Variants in ADGRD1 observed in about 807,000 individuals in gnomAD.
ADGRD1 encodes the protein G-protein coupled receptor 133.
ADGRD1 carries 77 observed loss-of-function variants against 113.4 expected under a neutral mutation model. The observed-to-expected ratio is 0.68, with a 90% CI of 0.57 to 0.82. The LOEUF (loss-of-function observed/expected upper bound fraction) is 0.82, where lower values mean the gene tolerates loss of function less well. Ranked by LOEUF, ADGRD1 falls within the 40% of genes least tolerant of loss-of-function variation. The pLI, the probability that ADGRD1 is intolerant of heterozygous loss-of-function variation, is 0.00. For missense variants in ADGRD1, 1,036 were observed against 1,139.1 expected (o/e 0.91, Z 1.30); for synonymous variants, 474 against 475.0 (o/e 1.00, Z 0.03).
chr12:131,139,397 G>A lies in ADGRD1; in HGVS notation c.*134G>A. Reference sequence around the variant, plus strand: ...TGGGTGTTGTGGCCCCGAGACAGCTGTCCTCCCCTGTGACTCTGGCTGTCG... The same window carrying A: ...TGGGTGTTGTGGCCCCGAGACAGCTATCCTCCCCTGTGACTCTGGCTGTCG... On this transcript the variant is annotated 3_prime_UTR_variant, in exon 25 of 25. Coordinates refer to ENST00000261654, the MANE Select transcript of ADGRD1 (RefSeq NM_198827.5). The A allele has an allele frequency of 7.7e-6, 5 of 652,346 alleles. No individual in the cohort carries two copies. The highest frequency in any genetic ancestry group is 1.4e-5 in the Non-Finnish European group (5 of 367,538). The allele number at this position is 652,346 out of a possible 1,614,324, so 40.4% of individuals were successfully genotyped here.
intron 15 of ADGRD1, among the ~76,000 whole-genome samples, chr12:131,089,991 G>A (rs1886796728): frequency 6.6e-6 from 1 of 152,184 alleles, no homozygotes; most frequent in Non-Finnish European, 1.5e-5. Context: ...TACACTTTCA[G>A]CTGAAAACTG....
intron 8 of ADGRD1, among the ~76,000 whole-genome samples, chr12:130,997,199 C>CCG (rs71095326): frequency 2.9e-5 from 4 of 140,172 alleles, no homozygotes; most frequent in African/African-American, 8.0e-5. Flanking sequence ...CCCCCCCCCC[C>CCG]GGACGGGGCA....
At chr12:131,128,425 A>C (rs2136082570) in intron 20 of ADGRD1, among the ~76,000 whole-genome samples, 1 of 152,244 alleles carries the variant, frequency 6.6e-6, no homozygotes, top group Non-Finnish European at 1.5e-5. Flanking sequence ...GGAACACTGC[A>C]TGGCTGAGTT....
At chr12:131,085,125 T>C (rs1851324205) in intron 15 of ADGRD1, among the ~76,000 whole-genome samples, 1 of 152,206 alleles carries the variant, frequency 6.6e-6, no homozygotes, top group Non-Finnish European at 1.5e-5. Flanking sequence ...TTAGTCACTT[T>C]GAATCAGTGG....
intron 15 of ADGRD1, among the ~76,000 whole-genome samples, chr12:131,093,431 A>G (rs1283713833): frequency 6.6e-6 from 1 of 152,158 alleles, no homozygotes; most frequent in East Asian, 1.9e-4. Flanking sequence ...GCCCAGACCC[A>G]TGGTTCTAGG....
intron 3 of ADGRD1, chr12:130,968,129 C>G (rs895456875): frequency 6.6e-6 from 1 of 152,218 alleles, no homozygotes; most frequent in Non-Finnish European, 1.5e-5. Context: ...GTCTTTCTCT[C>G]TTCACCCCTA....
intron 15 of ADGRD1, among the ~76,000 whole-genome samples, chr12:131,090,731 G>A (rs527545738): frequency 5.9e-5 from 9 of 152,334 alleles, no homozygotes; most frequent in African/African-American, 1.9e-4. Context: ...GATGGACACT[G>A]CGATGGCTTC....
In ADGRD1 at chr12:131,034,695, G is replaced by A. The variant is rs146601967; in HGVS notation, c.1473+20355G>A. Among the ~76,000 whole-genome samples the A allele has an allele frequency of 1.7e-3, 259 of 152,304 alleles. 1 individual carries two copies. The highest frequency in any genetic ancestry group is 6.0e-3 in the African/African-American group (249 of 41,558). ...ATAAACATGTTTGTTGAATGACTGAGGCTAGGACACGGTGGTGGCCCCTCG... is the reference window on the plus strand; with the variant it reads ...ATAAACATGTTTGTTGAATGACTGAAGCTAGGACACGGTGGTGGCCCCTCG... On this transcript the variant is annotated intron_variant, in intron 13 of 24. Coordinates refer to ENST00000261654, the MANE Select transcript of ADGRD1 (RefSeq NM_198827.5).
intron 22 of ADGRD1, among the ~76,000 whole-genome samples, 171 bp downstream of exon 22, chr12:131,136,334 GCAGGATCCTGACC>G (rs539690112): frequency 9.0e-4 from 137 of 152,354 alleles, no homozygotes; most frequent in African/African-American, 3.2e-3. Flanking sequence ...AGTGGGGCCT[GCAGGATCCTGACC>G]CCTTCAGGGC....
intron 20 of ADGRD1, among the ~76,000 whole-genome samples, chr12:131,129,492 CTG>C (rs1437294004): frequency 2.8e-5 from 4 of 144,034 alleles, no homozygotes; most frequent in African/African-American, 1.1e-4. Flanking sequence ...CCCCGCCCTG[CTG>C]TCTGGGTGTG....
At chr12:131,066,259 G>T (rs1474997008) in intron 13 of ADGRD1, among the ~76,000 whole-genome samples, 2 of 152,212 alleles carry the variant, frequency 1.3e-5, no homozygotes, top group African/African-American at 4.8e-5. Context: ...CACGGGGAGG[G>T]CGGAGGATGT....
chr12:131,011,146 C>T (rs1461213186), intron 12 of ADGRD1, among the ~76,000 whole-genome samples: 1 of 131,932 alleles, frequency 7.6e-6, no homozygotes, highest in Non-Finnish European at 1.6e-5. Flanking sequence ...CCTGCCCCAC[C>T]TCACCCCTTC....
intron 11 of ADGRD1, among the ~76,000 whole-genome samples, chr12:131,004,650 C>T (rs1219691866): frequency 1.3e-5 from 2 of 152,188 alleles, no homozygotes; most frequent in Non-Finnish European, 2.9e-5. Flanking sequence ...CCTACATCCT[C>T]CTAAATCGGC....
intron 8 of ADGRD1, 130 bp from the exon 9 acceptor site, chr12:131,000,252 TG>T (rs1276945819): frequency 6.0e-5 from 42 of 700,140 alleles, no homozygotes; most frequent in Non-Finnish European, 7.9e-6. Flanking sequence ...CAGCTATTTT[TG>T]TTGACTGCCG....
At chr12:131,078,889 G>A (rs1885852282) in intron 14 of ADGRD1, among the ~76,000 whole-genome samples, 1 of 152,042 alleles carries the variant, frequency 6.6e-6, no homozygotes, top group Non-Finnish European at 1.5e-5. Context: ...ATCCACACTT[G>A]TAGATGATTG....
intron 12 of ADGRD1, among the ~76,000 whole-genome samples, chr12:131,009,127 C>T (rs1403084117): frequency 6.6e-6 from 1 of 152,222 alleles, no homozygotes; most frequent in African/African-American, 2.4e-5. Context: ...CGCACGCCTG[C>T]AGCCAGGTGG....
At chr12:130,963,938 A>G (rs974491121) in intron 2 of ADGRD1, among the ~76,000 whole-genome samples, 1 of 152,216 alleles carries the variant, frequency 6.6e-6, no homozygotes, top group Non-Finnish European at 1.5e-5. Flanking sequence ...CCAGCTTAGT[A>G]TAGCTAACTT....
rs549548090 is a variant in ADGRD1 at position 130,981,951 on chromosome 12, G to A, written c.378G>A (p.Gly126=). The change falls in exon 5 of 25, where the codon GGG becomes GGA. Residue 126 remains glycine, a synonymous_variant. Transcript: ENST00000261654. ...CTAGACCAATCCCTTCTGCGTATGG[G>A]GGACAGGTCATCTCCAATGGGTTCA... ...EQSRPIPSAY[G]GQVISNGFKV... 1.4e-5 allele frequency: 22 copies of A among 1,613,804 alleles called. No individual in the cohort carries two copies. The highest frequency in any genetic ancestry group is 1.6e-4 in the Middle Eastern group (1 of 6,062).
At chr12:131,130,627 G>A (rs1156942186) in intron 20 of ADGRD1, among the ~76,000 whole-genome samples, 1 of 152,254 alleles carries the variant, frequency 6.6e-6, no homozygotes, top group East Asian at 1.9e-4. Context: ...GGCCCCTAGG[G>A]TGAGGCGGGC....
Sources: allele counts gnomAD v4.1 joint callset (sites outside exome capture counted in the v4.1 genomes callset), GRCh38; gene constraint gnomAD v4.1.1; transcripts MANE v1.5; gene names NCBI Gene and HGNC (gene_info 2026-07-23, HGNC 2026-07-21).